PLPP6: variants seen among roughly 807,000 people sequenced by gnomAD.
PLPP6 encodes the protein polyisoprenoid diphosphate/phosphate phosphohydrolase PLPP6.
In PLPP6, 16 loss-of-function variants were observed where a neutral mutation model predicts 16.5. The ratio of observed to expected loss-of-function variants is 0.97; its 90% CI spans 0.66 to 1.47. The LOEUF (loss-of-function observed/expected upper bound fraction) is 1.47. PLPP6 is among the 40% of genes most tolerant of loss of function. PLPP6 has a pLI of 0.00. For missense variants in PLPP6, 512 were observed against 396.6 expected, an observed-to-expected ratio of 1.29 and a Z score of -2.47; for synonymous variants, 226 against 188.1, an observed-to-expected ratio of 1.20 and a Z score of -1.65.
Position 4,662,800 on chromosome 9 carries a change from A to G in PLPP6, c.425A>G (p.His142Arg). 2 of 1,605,252 alleles carry G rather than the reference A, an allele frequency of 1.2e-6. No individual in the cohort carries two copies. The highest frequency in any genetic ancestry group is 1.7e-6 in the Non-Finnish European group (2 of 1,179,920). The change falls in exon 1 of 1, where the codon CAC becomes CGC. Residue 142 changes from histidine (H) to arginine (R), a missense_variant. His to Arg is a conservative substitution (Grantham distance 29). Coordinates refer to ENST00000381883, the MANE Select transcript of PLPP6 (RefSeq NM_203453.5). This position sits in a 1 kb window ranked among gnomAD's most constrained non-coding sequence, Gnocchi z 4.9. ...ATGAAGCTGCTGGAGATCTCGGGAC[A>G]CGGCATCCCCTGGCTGCTGGGCACC... ...PLMKLLEISGHGIPWLLGTLY... is the reference protein window; with the variant it reads ...PLMKLLEISGRGIPWLLGTLY...
Position 4,662,729 on chromosome 9 carries a change from G to A in PLPP6, c.354G>A (p.Gly118=). The A allele has an allele frequency of 6.2e-7, 1 of 1,602,970 alleles. No homozygotes were observed. Among genetic ancestry groups the A allele is most frequent in the Non-Finnish European group, 8.5e-7 (1 of 1,179,934 alleles). The stretch of plus-strand genomic sequence containing the variant: ...ACCTGTGGCTGTCCAAGAAGCTGGG[G>A]GTGTGCGCGGGAGAGAGCTCGTCGT... The part of the protein sequence containing the change: ...AIDLWLSKKL[G]VCAGESSSWG... The change falls in exon 1 of 1, where the codon GGG becomes GGA. Residue 118 remains glycine (G), a synonymous_variant. Transcript: ENST00000381883. The surrounding 1 kb of genome is among the most constrained non-coding windows in gnomAD (Gnocchi z 4.9).
Position 4,662,492 on chromosome 9 carries a change from G to A in PLPP6, c.117G>A (p.Glu39=). The change falls in exon 1 of 1, where the codon GAG becomes GAA. Residue 39 remains glutamate, a synonymous_variant. Transcript: ENST00000381883. This position sits in a 1 kb window ranked among gnomAD's most constrained non-coding sequence, Gnocchi z 4.9. ...HGGGGGGSRF[E]FQSLLSSRAT... is the part of the protein sequence containing the mutation. ...GCGGTGGCGGCGGCAGCAGGTTTGAGTTCCAGTCCCTGCTCAGCAGCCGCG... is the reference window on the plus strand; with the variant it reads ...GCGGTGGCGGCGGCAGCAGGTTTGAATTCCAGTCCCTGCTCAGCAGCCGCG... 1.9e-6 allele frequency: 3 copies of A among 1,558,446 alleles called. No homozygotes were observed. Among genetic ancestry groups the A allele is most frequent in the Non-Finnish European group, 2.6e-6 (3 of 1,161,658 alleles).
At position 4,662,980 on chromosome 9, in the gene PLPP6, C is replaced by G; in HGVS notation, c.605C>G (p.Thr202Ser). 1 of 1,612,980 alleles carries G rather than the reference C, an allele frequency of 6.2e-7. No individual in the cohort carries two copies. The highest frequency in any genetic ancestry group is 8.5e-7 in the Non-Finnish European group (1 of 1,179,914). ...CACAACCAGATGGACATGTTTGTCA[C>G]TCTCTCGGTGGACAAGTACTCCTTC... ...PAHNQMDMFV[T>S]LSVDKYSFPS... The change falls in exon 1 of 1, where the codon ACT becomes AGT. Residue 202 changes from threonine to serine, a missense_variant. Coordinates refer to ENST00000381883, the MANE Select transcript of PLPP6 (RefSeq NM_203453.5). The surrounding 1 kb of genome is among the most constrained non-coding windows in gnomAD (Gnocchi z 4.9).
chr9:4,663,051 C>G lies in PLPP6; in HGVS notation c.676C>G (p.Leu226Val). The G allele has an allele frequency of 6.2e-7, 1 of 1,613,984 alleles. No individual in the cohort carries two copies. The highest frequency in any genetic ancestry group is 1.3e-5 in the African/African-American group (1 of 75,040). ...TRAALMSRFI[L>V]NHLVLAIPLR... is the part of the protein sequence containing the mutation. ...GGCCGCCCTGATGTCGAGGTTCATC[C>G]TGAACCACCTGGTGCTGGCCATTCC... Residue 226 changes from leucine (L) to valine (V), a missense_variant, in exon 1 of 1, where the codon CTG becomes GTG. Coordinates refer to ENST00000381883, the MANE Select transcript of PLPP6 (RefSeq NM_203453.5).
rs1840280024 is a variant in PLPP6 at position 4,663,186 on chromosome 9, CAGT to C, written c.813_815del (p.Gln271_Tyr272delinsHis). The C allele has an allele frequency of 6.2e-7, 1 of 1,614,020 alleles. No homozygotes were observed. The highest frequency in any genetic ancestry group is 1.7e-5 in the Admixed American group (1 of 60,012). On this transcript the variant is annotated inframe_deletion, in exon 1 of 1. Coordinates refer to ENST00000381883, the MANE Select transcript of PLPP6 (RefSeq NM_203453.5). The stretch of plus-strand genomic sequence containing the variant: ...TTTTGGCTTTTTTCTGGGCTACATG[CAGT>C]ACAGCATCGTGGACTATTGCTGGCT...
At position 4,662,945 on chromosome 9, in the gene PLPP6, C is replaced by G. The variant is rs1468147983; in HGVS notation, c.570C>G (p.Arg190=). Reference sequence around the variant, plus strand: ...TGATCAAAGGGCTGGTCCGCAGGCGCCGCCCGGCCCACAACCAGATGGACA... The same window carrying G: ...TGATCAAAGGGCTGGTCCGCAGGCGGCGCCCGGCCCACAACCAGATGGACA... ...VALIKGLVRR[R]RPAHNQMDMF... The change falls in exon 1 of 1, where the codon CGC becomes CGG. Residue 190 remains arginine (R), a synonymous_variant. Transcript: ENST00000381883. The surrounding 1 kb of genome is among the most constrained non-coding windows in gnomAD (Gnocchi z 4.9). 6.2e-7 allele frequency: 1 copy of G among 1,611,760 alleles called. No homozygotes were observed. The highest frequency in any genetic ancestry group is 8.5e-7 in the Non-Finnish European group (1 of 1,179,904).
chr9:4,664,956 T>TTG lies in PLPP6; in HGVS notation c.*1694_*1695insGT, dbSNP rs796180512. 103 of 167,266 alleles carry TTG rather than the reference T, an allele frequency of 6.2e-4. No homozygotes were observed. The highest frequency in any genetic ancestry group is 2.4e-3 in the African/African-American group (98 of 41,598). 10.4% of individuals were successfully genotyped at this position (167,266 alleles called of 1,614,324 possible). On this transcript the variant is annotated 3_prime_UTR_variant, in exon 1 of 1. Transcript: ENST00000381883. ...TTGTTGTTTAACCTTAGCGAGATCC[T>TTG]TTAACTGCAGCAATATTCAAGCCAG...
chr9:4,662,538 T>G lies in PLPP6; in HGVS notation c.163T>G (p.Cys55Gly). The G allele has an allele frequency of 1.3e-6, 2 of 1,568,136 alleles. No homozygotes were observed. Among genetic ancestry groups the G allele is most frequent in the Non-Finnish European group, 1.7e-6 (2 of 1,166,628 alleles). The change falls in exon 1 of 1, where the codon TGC becomes GGC. Residue 55 changes from cysteine (C) to glycine (G), a missense_variant. Transcript: ENST00000381883. This position sits in a 1 kb window ranked among gnomAD's most constrained non-coding sequence, Gnocchi z 4.9. ...CCGCGCCACGGCCGTGGACCCCACC[T>G]GCGCCCGGCTCCGTGCATCGGAGAG... ...SSRATAVDPTCARLRASESPV... is the reference protein window; with the variant it reads ...SSRATAVDPTGARLRASESPV...
In PLPP6 at chr9:4,662,879, C is replaced by T. The variant is rs147381142; in HGVS notation, c.504C>T (p.Asn168=). 1.2e-6 allele frequency: 2 copies of T among 1,606,572 alleles called. No homozygotes were observed. Among genetic ancestry groups the T allele is most frequent in the African/African-American group, 2.7e-5 (2 of 75,040 alleles). ...DSWAGREVLM[N]LLFALLLDLL... is the part of the protein sequence containing the mutation. ...GGGCCGGGCGCGAGGTGCTGATGAACCTGCTCTTCGCCCTGCTGTTGGACC... is the reference window on the plus strand; with the variant it reads ...GGGCCGGGCGCGAGGTGCTGATGAATCTGCTCTTCGCCCTGCTGTTGGACC... The change falls in exon 1 of 1, where the codon AAC becomes AAT. Residue 168 remains asparagine (N), a synonymous_variant. Transcript: ENST00000381883. The surrounding 1 kb of genome is among the most constrained non-coding windows in gnomAD (Gnocchi z 4.9).
chr9:4,662,560 A>G lies in PLPP6; in HGVS notation c.185A>G (p.Glu62Gly). The change falls in exon 1 of 1, where the codon GAG becomes GGG. Residue 62 changes from glutamate to glycine, a missense_variant. Glu to Gly is a moderately conservative substitution (Grantham distance 98). Coordinates refer to ENST00000381883, the MANE Select transcript of PLPP6 (RefSeq NM_203453.5). The surrounding 1 kb of genome is among the most constrained non-coding windows in gnomAD (Gnocchi z 4.9). Reference protein sequence around the residue: ...DPTCARLRASESPVHRRGSFP... With the variant: ...DPTCARLRASGSPVHRRGSFP... ...ACCTGCGCCCGGCTCCGTGCATCGG[A>G]GAGCCCAGTTCACCGCCGCGGCTCC... 1 of 1,582,434 alleles carries G rather than the reference A, an allele frequency of 6.3e-7. No individual in the cohort carries two copies. The highest frequency in any genetic ancestry group is 1.3e-5 in the African/African-American group (1 of 74,360).
chr9:4,662,655 T>A lies in PLPP6; in HGVS notation c.280T>A (p.Leu94Met). Residue 94 changes from leucine to methionine, a missense_variant, in exon 1 of 1, where the codon TTG becomes ATG. Leu to Met is a conservative substitution (Grantham distance 15). Transcript: ENST00000381883. The surrounding 1 kb of genome is among the most constrained non-coding windows in gnomAD (Gnocchi z 4.9). ...GCTGCCCGAGGAGGACCGCATGGAC[T>A]TGAACCCGTCCTTCCTGGGCATCGC... ...PPLPEEDRMDLNPSFLGIALR... is the reference protein window; with the variant it reads ...PPLPEEDRMDMNPSFLGIALR... The A allele has an allele frequency of 6.3e-7, 1 of 1,599,834 alleles. No individual in the cohort carries two copies. Among genetic ancestry groups the A allele is most frequent in the Admixed American group, 1.7e-5 (1 of 59,990 alleles).
In PLPP6 at chr9:4,662,680, CCCTGCGCTCCCTGCTGGCCATCGA is replaced by C. The variant is rs1331107077; in HGVS notation, c.310_333del (p.Arg104_Leu111del). ...TTGAACCCGTCCTTCCTGGGCATCG[CCCTGCGCTCCCTGCTGGCCATCGA>C]CCTGTGGCTGTCCAAGAAGCTGGGG... On this transcript the variant is annotated inframe_deletion, in exon 1 of 1. Coordinates refer to ENST00000381883, the MANE Select transcript of PLPP6 (RefSeq NM_203453.5). This position sits in a 1 kb window ranked among gnomAD's most constrained non-coding sequence, Gnocchi z 4.9. The C allele has an allele frequency of 6.2e-7, 1 of 1,600,470 alleles. No homozygotes were observed. The highest frequency in any genetic ancestry group is 1.3e-5 in the African/African-American group (1 of 74,940).
In PLPP6 at chr9:4,662,342, C is replaced by G. The variant is rs757918538; in HGVS notation, c.-34C>G. ...AGGGCCGGGAAGCCTCTGTTTGGTC[C>G]GGCCAGGTCCCGGGATCCGGGCCGC... On this transcript the variant is annotated 5_prime_UTR_variant, in exon 1 of 1. Coordinates refer to ENST00000381883, the MANE Select transcript of PLPP6 (RefSeq NM_203453.5). The surrounding 1 kb of genome is among the most constrained non-coding windows in gnomAD (Gnocchi z 4.9). 53 of 1,469,038 alleles carry G rather than the reference C, an allele frequency of 3.6e-5. No homozygotes were observed. Among genetic ancestry groups the G allele is most frequent in the Non-Finnish European group, 4.4e-5 (49 of 1,117,778 alleles). 91.0% of individuals were successfully genotyped at this position (1,469,038 alleles called of 1,614,324 possible). A position where few individuals can be genotyped will look rare whatever the true frequency, so the allele number is the denominator to read the frequency against.
In PLPP6 at chr9:4,663,360, C is replaced by T; in HGVS notation, c.*97C>T. ...AGCCATCCCGCTTGTCCCTCTTAGG[C>T]ATTTCAGGCTTCCTTTGGGATTTCA... On this transcript the variant is annotated 3_prime_UTR_variant, in exon 1 of 1. Transcript: ENST00000381883. 1 of 1,285,766 alleles carries T rather than the reference C, an allele frequency of 7.8e-7. No individual in the cohort carries two copies. The allele number at this position is 1,285,766 out of a possible 1,614,324, so 79.6% of individuals were successfully genotyped here.
At position 4,662,322 on chromosome 9, in the gene PLPP6, C is replaced by T. The variant is rs1587562632; in HGVS notation, c.-54C>T. ...GCGGAAGCGGAAGAGGCTGCAGGGCCGGGAAGCCTCTGTTTGGTCCGGCCA... is the reference window on the plus strand; with the variant it reads ...GCGGAAGCGGAAGAGGCTGCAGGGCTGGGAAGCCTCTGTTTGGTCCGGCCA... On this transcript the variant is annotated 5_prime_UTR_variant, in exon 1 of 1. Transcript: ENST00000381883. The surrounding 1 kb of genome is among the most constrained non-coding windows in gnomAD (Gnocchi z 4.9). 8.3e-6 allele frequency: 12 copies of T among 1,446,258 alleles called. No individual in the cohort carries two copies. The highest frequency in any genetic ancestry group is 1.1e-5 in the Non-Finnish European group (12 of 1,105,628). 89.6% of individuals were successfully genotyped at this position (1,446,258 alleles called of 1,614,324 possible). A position where few individuals can be genotyped will look rare whatever the true frequency, so the allele number is the denominator to read the frequency against.
In PLPP6 at chr9:4,662,625, C is replaced by CCT. The variant is rs1355175702; in HGVS notation, c.252_253dup (p.Pro85LeufsTer11). On this transcript the variant is annotated frameshift_variant, in exon 1 of 1. Coordinates refer to ENST00000381883, the MANE Select transcript of PLPP6 (RefSeq NM_203453.5). LOFTEE classifies it high-confidence loss of function. This position sits in a 1 kb window ranked among gnomAD's most constrained non-coding sequence, Gnocchi z 4.9. Reference sequence around the variant, plus strand: ...GGCGGGCCCCTCGCAGTCGCCCGCGCCTCCGCTGCCCGAGGAGGACCGCAT... The same window carrying CCT: ...GGCGGGCCCCTCGCAGTCGCCCGCGCCTCTCCGCTGCCCGAGGAGGACCGCAT... The CCT allele has an allele frequency of 1.3e-6, 2 of 1,596,656 alleles. No individual in the cohort carries two copies. The highest frequency in any genetic ancestry group is 2.7e-5 in the African/African-American group (2 of 74,842).
Position 4,662,320 on chromosome 9 carries a change from G to C in PLPP6, c.-56G>C, listed in dbSNP as rs956307791. 4 of 1,445,394 alleles carry C rather than the reference G, an allele frequency of 2.8e-6. No individual in the cohort carries two copies. Among genetic ancestry groups the C allele is most frequent in the Admixed American group, 5.5e-5 (2 of 36,682 alleles). The allele number at this position is 1,445,394 out of a possible 1,614,324, so 89.5% of individuals were successfully genotyped here. A position where few individuals can be genotyped will look rare whatever the true frequency, so the allele number is the denominator to read the frequency against. ...GTGCGGAAGCGGAAGAGGCTGCAGG[G>C]CCGGGAAGCCTCTGTTTGGTCCGGC... is the stretch of plus-strand genomic sequence containing the variant. On this transcript the variant is annotated 5_prime_UTR_variant, in exon 1 of 1. Coordinates refer to ENST00000381883, the MANE Select transcript of PLPP6 (RefSeq NM_203453.5). This position sits in a 1 kb window ranked among gnomAD's most constrained non-coding sequence, Gnocchi z 4.9.
At position 4,662,993 on chromosome 9, in the gene PLPP6, C is replaced by G. The variant is rs1267119691; in HGVS notation, c.618C>G (p.Asp206Glu). The G allele has an allele frequency of 6.2e-7, 1 of 1,612,788 alleles. No homozygotes were observed. Among genetic ancestry groups the G allele is most frequent in the Non-Finnish European group, 8.5e-7 (1 of 1,179,764 alleles). ...QMDMFVTLSV[D>E]KYSFPSGHAT... ...ACATGTTTGTCACTCTCTCGGTGGA[C>G]AAGTACTCCTTCCCCTCGGGCCATG... is the stretch of plus-strand genomic sequence containing the variant. Residue 206 changes from aspartate to glutamate, a missense_variant, in exon 1 of 1, where the codon GAC becomes GAG. Physicochemically the swap from Asp to Glu is conservative, Grantham distance 45. Transcript: ENST00000381883. This position sits in a 1 kb window ranked among gnomAD's most constrained non-coding sequence, Gnocchi z 4.9.
At position 4,664,305 on chromosome 9, in the gene PLPP6, A is replaced by T. The variant is rs1163640613; in HGVS notation, c.*1042A>T. On this transcript the variant is annotated 3_prime_UTR_variant, in exon 1 of 1. Transcript: ENST00000381883. ...AAGTGGGGAAAAGGAACGTCTTCTCAATGCAAGAACATAAGCTTTCTCGTA... is the reference window on the plus strand; with the variant it reads ...AAGTGGGGAAAAGGAACGTCTTCTCTATGCAAGAACATAAGCTTTCTCGTA... 5 of 166,930 alleles carry T rather than the reference A, an allele frequency of 3.0e-5. No individual in the cohort carries two copies. The highest frequency in any genetic ancestry group is 2.6e-4 in the Admixed American group (4 of 15,282). 10.3% of individuals were successfully genotyped at this position (166,930 alleles called of 1,614,324 possible).
Sources: allele counts gnomAD v4.1 joint callset, GRCh38; gene constraint gnomAD v4.1.1; non-coding constraint Gnocchi (gnomAD v3.1); transcripts MANE v1.5; gene names NCBI Gene and HGNC (gene_info 2026-07-23, HGNC 2026-07-21).